Variants in CDK5RAP1 observed in about 807,000 individuals in gnomAD.
CDK5RAP1 encodes the protein CDK5RAP1 mitochondrial tRNA methylthiotransferase, also known as mitochondrial tRNA methylthiotransferase CDK5RAP1.
CDK5RAP1 carries 62 observed loss-of-function variants against 64.5 expected under a neutral mutation model. That is an observed-to-expected ratio of 0.96 (90% CI 0.78 to 1.19). The LOEUF (loss-of-function observed/expected upper bound fraction) is 1.19, where lower values mean the gene tolerates loss of function less well. Ranked by LOEUF, CDK5RAP1 falls within the 50% of genes most tolerant of loss-of-function variation. The pLI is 0.00. For missense variants in CDK5RAP1, 657 were observed against 735.0 expected (o/e 0.89, Z 1.23); for synonymous variants, 250 against 261.9 (o/e 0.95, Z 0.44).
At chr20:33,371,764 T>C (rs1206926789) in intron 10 of CDK5RAP1, among the ~76,000 whole-genome samples, 4 of 151,950 alleles carry the variant, frequency 2.6e-5, no homozygotes, top group Admixed American at 6.6e-5. Flanking sequence ...TCCTGGGCAA[T>C]AGAGCAAGAT....
chr20:33,366,229 G>A (rs1237795807), intron 12 of CDK5RAP1, among the ~76,000 whole-genome samples: 1 of 146,440 alleles, frequency 6.8e-6, no homozygotes, highest in Non-Finnish European at 1.5e-5. Flanking sequence ...TGAGGCAGGA[G>A]AATTGCTTGA....
chr20:33,358,943 T>C lies in CDK5RAP1; in HGVS notation c.*100A>G. On this transcript the variant is annotated 3_prime_UTR_variant, in exon 14 of 14. Coordinates refer to ENST00000346416, the MANE Select transcript of CDK5RAP1 (RefSeq NM_016408.4). ...ATAAAGTTGCTTCGCCCCTTGCAGC[T>C]TATCTCCACCTTCATGACCTGTTTC... 1 of 849,144 alleles carries C rather than the reference T, an allele frequency of 1.2e-6. No homozygotes were observed. The highest frequency in any genetic ancestry group is 1.9e-6 in the Non-Finnish European group (1 of 516,944). The allele number at this position is 849,144 out of a possible 1,614,324, so 52.6% of individuals were successfully genotyped here.
Position 33,387,411 on chromosome 20 carries a change from G to T in CDK5RAP1, c.667C>A (p.Gln223Lys). ...AGAGAGAGCAGCACGTTGGCAGCTTGCTGGCCCGACTCAGCAACAGCCAGC... is the reference window on the plus strand; with the variant it reads ...AGAGAGAGCAGCACGTTGGCAGCTTTCTGGCCCGACTCAGCAACAGCCAGC... ...RLLAVAESGQ[Q>K]AANVLLSLDE... Residue 223 changes from glutamine (Q) to lysine (K), a missense_variant, in exon 6 of 14, where the codon CAA (glutamine) becomes AAA (lysine). Physicochemically the swap from Gln to Lys is moderately conservative, Grantham distance 53. Transcript: ENST00000346416. 1 of 1,614,172 alleles carries T rather than the reference G, an allele frequency of 6.2e-7. No individual in the cohort carries two copies. The highest frequency in any genetic ancestry group is 1.7e-5 in the Admixed American group (1 of 60,022).
At chr20:33,400,272 C>A (rs1165223186) in intron 1 of CDK5RAP1, among the ~76,000 whole-genome samples, 2 of 152,222 alleles carry the variant, frequency 1.3e-5, no homozygotes, top group Admixed American at 6.5e-5. Context: ...CTGCTATACA[C>A]GTGTAAAGAG....
At chr20:33,379,849 C>T (rs1388833489) in intron 7 of CDK5RAP1, among the ~76,000 whole-genome samples, 158 bp from the exon 8 acceptor site, 2 of 151,976 alleles carry the variant, frequency 1.3e-5, no homozygotes, top group East Asian at 1.9e-4. Context: ...TGTCTATAAC[C>T]GAATAATTTC....
chr20:33,395,205 A>G, intron 2 of CDK5RAP1, 89 bp from the exon 3 acceptor site: 1 of 759,060 alleles, frequency 1.3e-6, no homozygotes, highest in South Asian at 1.4e-5. Context: ...TGCTCTAGAA[A>G]TATCTGAGGC....
intron 10 of CDK5RAP1, among the ~76,000 whole-genome samples, chr20:33,370,991 GTCA>G (rs1291426187): frequency 1.3e-5 from 2 of 152,126 alleles, no homozygotes; most frequent in Non-Finnish European, 2.9e-5. Flanking sequence ...TGATACAATG[GTCA>G]TCTAAGACAG....
At chr20:33,371,618 T>C (rs1051161969) in intron 10 of CDK5RAP1, among the ~76,000 whole-genome samples, 2 of 152,048 alleles carry the variant, frequency 1.3e-5, no homozygotes, top group Non-Finnish European at 2.9e-5. Flanking sequence ...TGAAACCCTA[T>C]CTCTACCAAA....
intron 12 of CDK5RAP1, among the ~76,000 whole-genome samples, chr20:33,362,106 G>A (rs372856691): frequency 6.6e-6 from 1 of 151,992 alleles, no homozygotes; most frequent in Non-Finnish European, 1.5e-5. Context: ...AAAAAAATCT[G>A]AAGAGTAACA....
intron 7 of CDK5RAP1, among the ~76,000 whole-genome samples, 171 bp from the exon 8 acceptor site, chr20:33,379,862 G>A (rs1367465015): frequency 6.6e-6 from 1 of 152,074 alleles, no homozygotes; most frequent in Non-Finnish European, 1.5e-5. Flanking sequence ...ATAATTTCAA[G>A]CTTAGACATC....
intron 7 of CDK5RAP1, 25 bp downstream of exon 7, chr20:33,385,625 C>T (rs757884472): frequency 6.2e-7 from 1 of 1,612,656 alleles, no homozygotes; most frequent in South Asian, 1.1e-5. Flanking sequence ...ATGTTCACAG[C>T]AAGAAAGCCT....
intron 5 of CDK5RAP1, among the ~76,000 whole-genome samples, chr20:33,387,892 C>A (rs948752100): frequency 6.6e-6 from 1 of 151,964 alleles, no homozygotes; most frequent in African/African-American, 2.4e-5. Flanking sequence ...CATAGAGAAA[C>A]CCTGTCTCTA....
At chr20:33,378,880 G>C (rs561134236) in intron 8 of CDK5RAP1, among the ~76,000 whole-genome samples, 1 of 152,050 alleles carries the variant, frequency 6.6e-6, no homozygotes, top group Non-Finnish European at 1.5e-5. Context: ...AATCCTCTCT[G>C]TACAGCCCTC....
intron 5 of CDK5RAP1, among the ~76,000 whole-genome samples, chr20:33,389,523 C>A (rs568922007): frequency 6.6e-6 from 1 of 151,380 alleles, no homozygotes; most frequent in Non-Finnish European, 1.5e-5. Context: ...CCAGCCGACC[C>A]GTCAGGGAGG....
chr20:33,392,066 T>C (rs1988379947), intron 5 of CDK5RAP1, 76 bp downstream of exon 5: 1 of 899,482 alleles, frequency 1.1e-6, no homozygotes, highest in Non-Finnish European at 1.8e-6. Context: ...ATCCAGCCTC[T>C]AAAGGAAACA....
chr20:33,386,791 A>C (rs1987491563), intron 6 of CDK5RAP1, among the ~76,000 whole-genome samples: 2 of 151,048 alleles, frequency 1.3e-5, no homozygotes, highest in East Asian at 1.9e-4. Flanking sequence ...AAAAAAAAAA[A>C]CCCTATAGTA....
chr20:33,363,654 T>C (rs1983346395), intron 12 of CDK5RAP1, among the ~76,000 whole-genome samples: 2 of 152,040 alleles, frequency 1.3e-5, no homozygotes, highest in African/African-American at 4.8e-5. Context: ...TCCCAGAACT[T>C]TGGGAGGCTG....
At chr20:33,380,202 C>A (rs144600943) in intron 7 of CDK5RAP1, among the ~76,000 whole-genome samples, 68 of 152,250 alleles carry the variant, frequency 4.5e-4, no homozygotes, top group African/African-American at 1.5e-3. Flanking sequence ...ACAACAACAA[C>A]AAAAAATAAA....
chr20:33,375,000 A>AT (rs889857457), intron 8 of CDK5RAP1, among the ~76,000 whole-genome samples: 6 of 151,626 alleles, frequency 4.0e-5, no homozygotes, highest in South Asian at 2.1e-4. Context: ...CCTTGGGTCT[A>AT]TTTTTTTTAA....
Sources: allele counts gnomAD v4.1 joint callset (sites outside exome capture counted in the v4.1 genomes callset), GRCh38; gene constraint gnomAD v4.1.1; transcripts MANE v1.5; gene names NCBI Gene and HGNC (gene_info 2026-07-23, HGNC 2026-07-21).